Variants in TOX observed in about 807,000 individuals in gnomAD.
The protein encoded by TOX is thymocyte selection-associated high mobility group box protein TOX.
In TOX, 11 loss-of-function variants were observed where a neutral mutation model predicts 53.7. The observed-to-expected ratio is 0.20, with a 90% confidence interval of 0.13 to 0.34. TOX has a LOEUF of 0.34. Ranked by LOEUF, TOX falls within the 10% of genes least tolerant of loss-of-function variation. TOX has a pLI of 1.00. For missense variants in TOX, 570 were observed against 664.6 expected, an observed-to-expected ratio of 0.86 and a Z score of 1.56; for synonymous variants, 225 against 245.3, an observed-to-expected ratio of 0.92 and a Z score of 0.77.
At chr8:58,991,420 A>G (rs1166822781) in intron 1 of TOX, among the ~76,000 whole-genome samples, 2 of 152,204 alleles carry the variant, frequency 1.3e-5, no homozygotes, top group Non-Finnish European at 2.9e-5. Context: ...AACAGACCCA[A>G]AATGTATAGC....
At chr8:59,100,493 A>T (rs984613197) in intron 1 of TOX, among the ~76,000 whole-genome samples, 1 of 152,216 alleles carries the variant, frequency 6.6e-6, no homozygotes, top group African/African-American at 2.4e-5. Context: ...AGTATATTTC[A>T]GCCCATATAA....
In TOX at chr8:58,838,105, G is replaced by A. The variant is rs62640919; in HGVS notation, c.900C>T (p.Asp300=). 2.9e-4 allele frequency: 473 copies of A among 1,614,022 alleles called. 1 individual carries two copies. In the African/African-American group the frequency reaches 4.8e-3, roughly 16 times the overall value. Reference sequence around the variant, plus strand: ...CCTGTTTTTGCTCTTCTCCTAAACCGTCCCACATTGAAGCCACAATTTTAG... The same window carrying A: ...CCTGTTTTTGCTCTTCTCCTAAACCATCCCACATTGAAGCCACAATTTTAG... ...EVSKIVASMW[D]GLGEEQKQVY... The change falls in exon 5 of 9, where the codon GAC becomes GAT. Residue 300 remains aspartate (D), a synonymous_variant. Transcript: ENST00000361421.
At chr8:58,835,769 G>C (rs771566999) in intron 5 of TOX, among the ~76,000 whole-genome samples, 5 of 152,178 alleles carry the variant, frequency 3.3e-5, no homozygotes, top group Non-Finnish European at 7.4e-5. Flanking sequence ...AAAATGATTA[G>C]GAAAATGTAA....
intron 1 of TOX, among the ~76,000 whole-genome samples, chr8:59,044,994 T>C (rs1476096298): frequency 6.6e-6 from 1 of 152,238 alleles, no homozygotes; most frequent in African/African-American, 2.4e-5. Flanking sequence ...CCATTTAACC[T>C]ACACATATCA....
chr8:59,061,392 C>T (rs1218657124), intron 1 of TOX, among the ~76,000 whole-genome samples: 1 of 152,166 alleles, frequency 6.6e-6, no homozygotes, highest in Admixed American at 6.5e-5. Context: ...CAAACCAGTT[C>T]ACTCCTGTAA....
intron 3 of TOX, among the ~76,000 whole-genome samples, chr8:58,903,975 G>A (rs1441700020): frequency 6.6e-6 from 1 of 152,158 alleles, no homozygotes; most frequent in African/African-American, 2.4e-5. Context: ...GTAGAGGTTA[G>A]ATGAGCAAAC....
rs145223241 is a variant in TOX, at chr8:58,820,176, C to T, written c.1006-4452G>A. Among the ~76,000 whole-genome samples the T allele has an allele frequency of 4.6e-5, 7 of 151,850 alleles. No individual in the cohort carries two copies. The East Asian group carries it at 1.4e-3, about 29-fold the overall frequency. On this transcript the variant is annotated intron_variant, in intron 6 of 8. Coordinates refer to ENST00000361421, the MANE Select transcript of TOX (RefSeq NM_014729.3). ...TAAAAAGAAACTGTTTTTTTCAAATCCACTTTCCTTTAATTGAACTAAGCA... is the reference window on the plus strand; with the variant it reads ...TAAAAAGAAACTGTTTTTTTCAAATTCACTTTCCTTTAATTGAACTAAGCA...
At chr8:58,998,529 A>T (rs4332121) in intron 1 of TOX, among the ~76,000 whole-genome samples, 23 of 15,848 alleles carry the variant, frequency 1.5e-3, no homozygotes, top group East Asian at 0.014. Context: ...ATATATATAT[A>T]TATATATATA....
At chr8:58,913,757 G>A (rs921444868) in intron 3 of TOX, among the ~76,000 whole-genome samples, 2 of 114,172 alleles carry the variant, frequency 1.8e-5, no homozygotes, top group Non-Finnish European at 4.0e-5. Flanking sequence ...GTATAAGAAT[G>A]TTTTATAAAG....
chr8:58,890,652 G>A (rs928362986), intron 3 of TOX, among the ~76,000 whole-genome samples: 4 of 152,132 alleles, frequency 2.6e-5, no homozygotes, highest in Admixed American at 6.5e-5. Flanking sequence ...AGGTAGAAGC[G>A]TGGATGCATA....
intron 1 of TOX, among the ~76,000 whole-genome samples, chr8:58,987,516 T>C (rs1408899084): frequency 6.6e-6 from 1 of 152,144 alleles, no homozygotes; most frequent in Non-Finnish European, 1.5e-5. Flanking sequence ...TATAAACCGA[T>C]GAAGAGTGAA....
intron 1 of TOX, among the ~76,000 whole-genome samples, chr8:58,977,623 A>C (rs922245462): frequency 1.1e-4 from 17 of 152,168 alleles, no homozygotes; most frequent in African/African-American, 4.1e-4. Flanking sequence ...AAAGTGAGAG[A>C]TGTGAGACTC....
chr8:58,881,550 C>T (rs1439198560), intron 3 of TOX, among the ~76,000 whole-genome samples: 1 of 151,942 alleles, frequency 6.6e-6, no homozygotes, highest in East Asian at 1.9e-4. Flanking sequence ...CATAGCAAAA[C>T]TCCATCTCTA....
rs116508349 is a variant in TOX at position 58,954,747 on chromosome 8, C to A, written c.168+5196G>T. 4.7e-3 allele frequency among the ~76,000 whole-genome samples: 721 copies of A among 152,280 alleles called. 2 individuals are homozygous for A. Among genetic ancestry groups the A allele is most frequent in the African/African-American group, 0.017 (697 of 41,552 alleles). On this transcript the variant is annotated intron_variant, in intron 2 of 8. Transcript: ENST00000361421. ...TAGGCCAAAAAGTAGAATCAACACTCTCTGGACTCAAGAGTTAGGCCAAAA... is the reference window on the plus strand; with the variant it reads ...TAGGCCAAAAAGTAGAATCAACACTATCTGGACTCAAGAGTTAGGCCAAAA...
At chr8:59,049,366 T>C (rs1803747409) in intron 1 of TOX, among the ~76,000 whole-genome samples, 1 of 152,176 alleles carries the variant, frequency 6.6e-6, no homozygotes, top group South Asian at 2.1e-4. Flanking sequence ...AAGTTTTATC[T>C]TCTGTTCTTT....
chr8:58,918,924 G>C (rs918401796), intron 3 of TOX, among the ~76,000 whole-genome samples: 7 of 151,902 alleles, frequency 4.6e-5, no homozygotes, highest in Non-Finnish European at 8.8e-5. Context: ...GGCAAACAGA[G>C]AGCCAAATCA....
At chr8:59,035,631 T>A (rs1814445097) in intron 1 of TOX, among the ~76,000 whole-genome samples, 1 of 152,264 alleles carries the variant, frequency 6.6e-6, no homozygotes, top group Non-Finnish European at 1.5e-5. Context: ...CACTCAATTT[T>A]TTTTATCAGT....
At chr8:59,060,766 C>G (rs1303687816) in intron 1 of TOX, among the ~76,000 whole-genome samples, 1 of 152,140 alleles carries the variant, frequency 6.6e-6, no homozygotes, top group Non-Finnish European at 1.5e-5. Context: ...CTCTTAGTAA[C>G]ATCAAAAATT....
intron 1 of TOX, among the ~76,000 whole-genome samples, chr8:59,077,873 C>G (rs1804319704): frequency 2.6e-5 from 4 of 152,128 alleles, no homozygotes; most frequent in African/African-American, 9.7e-5. Context: ...TGGAACAATC[C>G]TTTTTGCCCC....
Sources: allele counts gnomAD v4.1 joint callset (sites outside exome capture counted in the v4.1 genomes callset), GRCh38; gene constraint gnomAD v4.1.1; transcripts MANE v1.5; gene names NCBI Gene and HGNC (gene_info 2026-07-23, HGNC 2026-07-21).